The following C8orf34 variants were observed in gnomAD, a reference collection of about 807,000 sequenced individuals.
C8orf34 encodes chromosome 8 open reading frame 34.
C8orf34 carries 65 observed loss-of-function variants against 68.3 expected under a neutral mutation model. That is an observed-to-expected ratio of 0.95 (90% CI 0.78 to 1.17). C8orf34 has a LOEUF of 1.17. Among genes scored for constraint, C8orf34 ranks in the 50% most tolerant of loss-of-function variants. C8orf34 has a pLI of 0.00. For synonymous variants in C8orf34, 244 were observed against 241.2 expected, an observed-to-expected ratio of 1.01 and a Z score of -0.11; for missense variants, 664 against 655.4, an observed-to-expected ratio of 1.01 and a Z score of -0.14.
intron 10 of C8orf34, among the ~76,000 whole-genome samples, chr8:68,738,590 C>A (rs1822187818): frequency 6.6e-6 from 1 of 151,682 alleles, no homozygotes; most frequent in Non-Finnish European, 1.5e-5. Flanking sequence ...CAATCAGAAA[C>A]AACAAAGGGG....
intron 8 of C8orf34, among the ~76,000 whole-genome samples, chr8:68,674,981 G>A (rs941130871): frequency 6.6e-6 from 1 of 151,938 alleles, no homozygotes; most frequent in Non-Finnish European, 1.5e-5. Flanking sequence ...AACTTTACAG[G>A]CCAGGAGACC....
At chr8:68,686,111 C>T (rs1267606489) in intron 8 of C8orf34, among the ~76,000 whole-genome samples, 2 of 151,698 alleles carry the variant, frequency 1.3e-5, no homozygotes, top group African/African-American at 2.4e-5. Flanking sequence ...AAATAACAAG[C>T]AGTAAGATTG....
In C8orf34 at chr8:68,476,198, G is replaced by A. The variant is rs73264458; in HGVS notation, c.736+7378G>A. Among the ~76,000 whole-genome samples, 1,320 of 152,308 alleles carry A rather than the reference G, an allele frequency of 8.7e-3. 20 individuals carry two copies. Among genetic ancestry groups the A allele is most frequent in the African/African-American group, 0.03 (1,231 of 41,560 alleles). ...GCAGGAATGCAAAGATGACTAACACGTGGAACTAGACTTCAAGCTTACATT... is the reference window on the plus strand; with the variant it reads ...GCAGGAATGCAAAGATGACTAACACATGGAACTAGACTTCAAGCTTACATT... On this transcript the variant is annotated intron_variant, in intron 4 of 13. Transcript: ENST00000518698.
chr8:68,486,931 C>A (rs1466146360), intron 4 of C8orf34, among the ~76,000 whole-genome samples: 3 of 152,192 alleles, frequency 2.0e-5, no homozygotes, highest in Non-Finnish European at 4.4e-5. Flanking sequence ...TTGACACCAA[C>A]CCCCCTTTGC....
chr8:68,369,455 C>G (rs577172622), intron 1 of C8orf34, among the ~76,000 whole-genome samples: 67 of 152,308 alleles, frequency 4.4e-4, no homozygotes, highest in African/African-American at 1.5e-3. Flanking sequence ...TTCTGTTTGC[C>G]TCTTCTTTCT....
chr8:68,619,838 T>G (rs377145636), intron 7 of C8orf34, among the ~76,000 whole-genome samples: 1 of 152,066 alleles, frequency 6.6e-6, no homozygotes, highest in Non-Finnish European at 1.5e-5. Flanking sequence ...ACCCAGCTGA[T>G]ACAATGAAAG....
At chr8:68,525,089 C>T (rs1271616534) in intron 6 of C8orf34, among the ~76,000 whole-genome samples, 7 of 152,010 alleles carry the variant, frequency 4.6e-5, no homozygotes, top group Admixed American at 3.9e-4. Context: ...ATTCACTTCC[C>T]ATTAGGAAGT....
chr8:68,432,906 C>T (rs1035387238), intron 1 of C8orf34, among the ~76,000 whole-genome samples: 2 of 152,028 alleles, frequency 1.3e-5, no homozygotes, highest in African/African-American at 2.4e-5. Context: ...ATTCTACTGC[C>T]ATTCAAAAAA....
intron 11 of C8orf34, among the ~76,000 whole-genome samples, chr8:68,783,164 C>T (rs924550119): frequency 2.6e-5 from 4 of 151,744 alleles, no homozygotes; most frequent in Admixed American, 2.0e-4. Context: ...AAATTACTAA[C>T]CTAAAGGGAA....
intron 8 of C8orf34, among the ~76,000 whole-genome samples, chr8:68,648,497 T>C (rs1170433614): frequency 6.6e-6 from 1 of 152,172 alleles, no homozygotes; most frequent in Non-Finnish European, 1.5e-5. Context: ...ACCCACTAAT[T>C]CTATCTACCC....
intron 3 of C8orf34, among the ~76,000 whole-genome samples, chr8:68,462,586 A>T (rs1332913523): frequency 6.6e-6 from 1 of 151,768 alleles, no homozygotes; most frequent in Non-Finnish European, 1.5e-5. Flanking sequence ...ATTATAACAC[A>T]CTGTCTCTCA....
intron 10 of C8orf34, among the ~76,000 whole-genome samples, chr8:68,735,196 A>AGTTTCTGGAGGCCAGGGAGTAT (rs1314722488): frequency 2.6e-5 from 4 of 152,136 alleles, no homozygotes; most frequent in African/African-American, 7.2e-5. Context: ...CTTTCCCACT[A>AGTTTCTGGAGGCCAGGGAGTAT]GTTTCTGGAG....
rs1365452032 is a variant in C8orf34, at chr8:68,640,492, A to G, written c.1222A>G (p.Ile408Val). 3 of 1,613,742 alleles carry G rather than the reference A, an allele frequency of 1.9e-6. No homozygotes were observed. Among genetic ancestry groups the G allele is most frequent in the Non-Finnish European group, 2.5e-6 (3 of 1,179,856 alleles). ...GCCTCAGGCCAAGGTCACACTGAAC[A>G]TCTGTTCAAGGTGTGCCAGGTAAAA... The part of the protein sequence containing the change: ...AEPQAKVTLN[I>V]CSRCARLQGD... Residue 408 changes from isoleucine to valine, a missense_variant, in exon 8 of 14, where the codon ATC becomes GTC. Transcript: ENST00000518698.
At chr8:68,566,672 T>C (rs935075652) in intron 7 of C8orf34, among the ~76,000 whole-genome samples, 2 of 151,772 alleles carry the variant, frequency 1.3e-5, no homozygotes, top group Admixed American at 6.6e-5. Flanking sequence ...GAACCAGGCA[T>C]TGGCTTCAGG....
intron 1 of C8orf34, among the ~76,000 whole-genome samples, chr8:68,422,967 A>G (rs1270895855): frequency 6.6e-6 from 1 of 152,216 alleles, no homozygotes; most frequent in African/African-American, 2.4e-5. Context: ...CTGGAGCCAA[A>G]GCAGCTGGGA....
At chr8:68,410,447 A>C (rs535229155) in intron 1 of C8orf34, among the ~76,000 whole-genome samples, 1 of 152,324 alleles carries the variant, frequency 6.6e-6, no homozygotes, top group South Asian at 2.1e-4. Context: ...AGATCATTTA[A>C]AGTATATGGG....
At chr8:68,772,697 C>T (rs1053568184) in intron 10 of C8orf34, among the ~76,000 whole-genome samples, 1 of 144,012 alleles carries the variant, frequency 6.9e-6, no homozygotes, top group Non-Finnish European at 1.5e-5. Context: ...CTCCCTCCCT[C>T]CCTCCCTCTC....
intron 7 of C8orf34, among the ~76,000 whole-genome samples, chr8:68,569,957 C>T (rs995352092): frequency 8.5e-5 from 13 of 152,210 alleles, no homozygotes; most frequent in African/African-American, 2.9e-4. Flanking sequence ...GTCCCAGCAC[C>T]AAAGTCTCTC....
chr8:68,723,113 T>A lies in C8orf34; in HGVS notation c.1404+1676T>A, dbSNP rs150356213. ...TAGTCAATTTTCCTTCTACTGTACA[T>A]CCTTAATATTTTTAGTGCTTGTCTG... On this transcript the variant is annotated intron_variant, in intron 10 of 13. Transcript: ENST00000518698. Among the ~76,000 whole-genome samples, 443 of 152,200 alleles carry A rather than the reference T, an allele frequency of 2.9e-3. 1 individual carries two copies. Among genetic ancestry groups the A allele is most frequent in the African/African-American group, 0.01 (424 of 41,566 alleles).
Sources: gnomAD v4.1 joint callset for allele counts (sites outside exome capture counted in the v4.1 genomes callset) on GRCh38, gnomAD v4.1.1 for gene constraint, MANE v1.5 for transcripts, NCBI Gene and HGNC (gene_info 2026-07-23, HGNC 2026-07-21) for gene names.